Variants in MARCHF1 observed in about 807,000 individuals in gnomAD.
The protein encoded by MARCHF1 is E3 ubiquitin-protein ligase MARCHF1.
In MARCHF1, 40 loss-of-function variants were observed where a neutral mutation model predicts 54.2. The ratio of observed to expected loss-of-function variants is 0.74; its 90% CI spans 0.57 to 0.96. The LOEUF (loss-of-function observed/expected upper bound fraction) is 0.96. MARCHF1 is among the 40% of genes least tolerant of loss of function. The pLI is 0.00. For missense variants in MARCHF1, 586 were observed against 656.5 expected, an observed-to-expected ratio of 0.89 and a Z score of 1.17; for synonymous variants, 236 against 236.3, an observed-to-expected ratio of 1.00 and a Z score of 0.01.
intron 5 of MARCHF1, among the ~76,000 whole-genome samples, chr4:163,661,034 CTATT>C (rs1304504601): frequency 3.3e-5 from 5 of 152,060 alleles, no homozygotes; most frequent in Admixed American, 6.6e-5. Context: ...TGTATTATCA[CTATT>C]TATTTAATTG....
rs141446465 is a variant in MARCHF1, at chr4:163,991,941, A to G, written c.-247-3232T>C. 8.3e-3 allele frequency among the ~76,000 whole-genome samples: 1,267 copies of G among 151,958 alleles called. 17 individuals carry two copies. The highest frequency in any genetic ancestry group is 0.029 in the African/African-American group (1,189 of 41,438). ...ACTCAGACCTCAGTTTTCCCCCAAGAGATTCTGATTTGGTGCTGTTCCTTA... is the reference window on the plus strand; with the variant it reads ...ACTCAGACCTCAGTTTTCCCCCAAGGGATTCTGATTTGGTGCTGTTCCTTA... On this transcript the variant is annotated intron_variant, in intron 2 of 9. Coordinates refer to ENST00000514618, the MANE Select transcript of MARCHF1 (RefSeq NM_001394959.1).
At chr4:164,296,218 G>C (rs1734407790) in intron 1 of MARCHF1, among the ~76,000 whole-genome samples, 1 of 152,114 alleles carries the variant, frequency 6.6e-6, no homozygotes, top group African/African-American at 2.4e-5. Context: ...ACAATCATAT[G>C]TTAGTTCACC....
intron 3 of MARCHF1, among the ~76,000 whole-genome samples, chr4:163,899,896 A>T (rs1417835998): frequency 7.3e-5 from 11 of 150,760 alleles, no homozygotes; most frequent in Non-Finnish European, 1.5e-4. Flanking sequence ...TTCTTTTTTT[A>T]AACATTCCAC....
chr4:164,291,112 T>A (rs993832502), intron 1 of MARCHF1, among the ~76,000 whole-genome samples: 2 of 152,012 alleles, frequency 1.3e-5, no homozygotes, highest in African/African-American at 4.8e-5. Flanking sequence ...ACTCTGTAGA[T>A]GACAAAGCAT....
chr4:164,100,789 C>G (rs189438569), intron 2 of MARCHF1, among the ~76,000 whole-genome samples: 8 of 152,334 alleles, frequency 5.3e-5, no homozygotes, highest in African/African-American at 1.7e-4. Context: ...CAGCTCCGGT[C>G]TACAGCTCCC....
intron 5 of MARCHF1, among the ~76,000 whole-genome samples, chr4:163,695,457 G>A (rs910304182): frequency 6.6e-6 from 1 of 152,098 alleles, no homozygotes; most frequent in Non-Finnish European, 1.5e-5. Context: ...ATTAACTGGT[G>A]TGCACATTTT....
chr4:164,199,665 CACACACACACACACACAG>C (rs1386852576), intron 1 of MARCHF1, among the ~76,000 whole-genome samples: 1,506 of 83,794 alleles, frequency 0.018, 6 homozygotes, highest in South Asian at 0.029. Flanking sequence ...CACACACACA[CACACACACACACACACAG>C]AGAGAGAGAG....
chr4:164,168,472 G>A (rs1378871208), intron 1 of MARCHF1, among the ~76,000 whole-genome samples: 1 of 151,968 alleles, frequency 6.6e-6, no homozygotes. Flanking sequence ...ATTCACAATA[G>A]CCAAGATCTG....
chr4:163,656,708 T>A (rs965843718), intron 5 of MARCHF1, among the ~76,000 whole-genome samples: 1 of 152,072 alleles, frequency 6.6e-6, no homozygotes, highest in African/African-American at 2.4e-5. Context: ...TTATCCACCA[T>A]GATCAAGTTG....
chr4:163,873,290 G>C (rs909009193), intron 3 of MARCHF1, among the ~76,000 whole-genome samples: 2 of 152,136 alleles, frequency 1.3e-5, no homozygotes, highest in Non-Finnish European at 2.9e-5. Flanking sequence ...GGGGACAGAG[G>C]ACCAAGTTTA....
intron 1 of MARCHF1, chr4:164,189,887 G>A: frequency 6.3e-7 from 1 of 1,583,204 alleles, no homozygotes; most frequent in South Asian, 1.1e-5. Context: ...AGATAGATGT[G>A]AATGGTATTC....
intron 4 of MARCHF1, among the ~76,000 whole-genome samples, chr4:163,711,078 C>T (rs953735029): frequency 2.6e-5 from 4 of 151,794 alleles, no homozygotes; most frequent in Admixed American, 2.0e-4. Context: ...CTTAATAAGA[C>T]AAACAGAAGT....
chr4:164,104,421 T>A lies in MARCHF1; in HGVS notation c.-248+7167A>T, dbSNP rs1000798484. Among the ~76,000 whole-genome samples the A allele has an allele frequency of 1.9e-3, 105 of 55,766 alleles. 5 individuals are homozygous for A. Among genetic ancestry groups the A allele is most frequent in the South Asian group, 0.013 (20 of 1,494 alleles). 36.6% of individuals were successfully genotyped at this position (55,766 alleles called of 152,430 possible). ...ACATCAAAAAGCTTATCCACCATGA[T>A]CAAGTGGGCTTCATCCCTGGGATGC... On this transcript the variant is annotated intron_variant, in intron 2 of 9. Transcript: ENST00000514618.
At chr4:163,669,969 A>T (rs1437337132) in intron 5 of MARCHF1, among the ~76,000 whole-genome samples, 1 of 152,206 alleles carries the variant, frequency 6.6e-6, no homozygotes, top group East Asian at 1.9e-4. Flanking sequence ...CAAAGCCTAC[A>T]AAGAGATTAT....
chr4:163,554,238 G>A (rs906460416), intron 8 of MARCHF1, among the ~76,000 whole-genome samples: 10 of 152,206 alleles, frequency 6.6e-5, no homozygotes, highest in African/African-American at 2.4e-4. Context: ...GTACTGATAT[G>A]CTTGTCACGT....
intron 4 of MARCHF1, among the ~76,000 whole-genome samples, chr4:163,704,708 A>C (rs1415657898): frequency 6.6e-6 from 1 of 151,790 alleles, no homozygotes; most frequent in Non-Finnish European, 1.5e-5. Context: ...ATAATATTAA[A>C]ACCTATAGCA....
chr4:164,094,134 G>T lies in MARCHF1; in HGVS notation c.-248+17454C>A, dbSNP rs572337570. The stretch of plus-strand genomic sequence containing the variant: ...GGTCTGTCTTCTGTCTGCTGTGCAG[G>T]ACATTCCTGTAAGAAGTGGATGGAC... On this transcript the variant is annotated intron_variant, in intron 2 of 9. Transcript: ENST00000514618. Among the ~76,000 whole-genome samples, 3 of 152,174 alleles carry T rather than the reference G, an allele frequency of 2.0e-5. No homozygotes were observed. In the South Asian group the frequency reaches 6.2e-4, roughly 32 times the overall value.
At chr4:164,209,358 C>T (rs1731702654) in intron 1 of MARCHF1, among the ~76,000 whole-genome samples, 1 of 152,148 alleles carries the variant, frequency 6.6e-6, no homozygotes, top group African/African-American at 2.4e-5. Context: ...TTGGGAGGAG[C>T]ATGAGCTTCA....
At chr4:164,173,637 A>T (rs1337011491) in intron 1 of MARCHF1, among the ~76,000 whole-genome samples, 1 of 152,128 alleles carries the variant, frequency 6.6e-6, no homozygotes, top group Non-Finnish European at 1.5e-5. Flanking sequence ...TTGATTTATA[A>T]GATCATGTGA....
Sources: gnomAD v4.1 joint callset for allele counts (sites outside exome capture counted in the v4.1 genomes callset) on GRCh38, gnomAD v4.1.1 for gene constraint, MANE v1.5 for transcripts, NCBI Gene and HGNC (gene_info 2026-07-23, HGNC 2026-07-21) for gene names.